The following PKHD1 variants were observed in gnomAD, a reference collection of about 807,000 sequenced individuals.
The protein encoded by PKHD1 is fibrocystin.
PKHD1 carries 291 observed loss-of-function variants against 412.0 expected under a neutral mutation model. That is an observed-to-expected ratio of 0.71 (90% CI 0.64 to 0.78). The LOEUF is 0.78. PKHD1 is among the 30% of genes least tolerant of loss of function. The probability of loss-of-function intolerance (pLI) is 0.00; values close to 1 mark genes in which losing one functional copy is unlikely to be tolerated. For synonymous variants in PKHD1, 1,777 were observed against 1,821.5 expected (o/e 0.98, Z 0.62); for missense variants, 4,825 against 4,950.7 (o/e 0.97, Z 0.76).
intron 53 of PKHD1, among the ~76,000 whole-genome samples, chr6:51,786,743 C>T (rs955786367): frequency 2.6e-5 from 4 of 152,150 alleles, no homozygotes; most frequent in Non-Finnish European, 5.9e-5. Context: ...TATTGAGACA[C>T]CTCTTGAAAG....
rs370542405 is a variant in PKHD1 at position 52,043,578 on chromosome 6, C to T, written c.2821+47G>A. The T allele has an allele frequency of 2.2e-6, 3 of 1,343,018 alleles. No homozygotes were observed. In the African/African-American group the frequency reaches 4.3e-5, roughly 19 times the overall value. 83.2% of individuals were successfully genotyped at this position (1,343,018 alleles called of 1,614,324 possible). A position where few individuals can be genotyped will look rare whatever the true frequency, so the allele number is the denominator to read the frequency against. ...TACATGGCCTCTAACAAAATCACTGCAAGTCTCCGGCTTAAGCCCATCTCA... is the reference window on the plus strand; with the variant it reads ...TACATGGCCTCTAACAAAATCACTGTAAGTCTCCGGCTTAAGCCCATCTCA... On this transcript the variant is annotated intron_variant, in intron 26 of 66. Transcript: ENST00000371117.
At chr6:51,774,685 T>C (rs1322949336) in intron 54 of PKHD1, among the ~76,000 whole-genome samples, 1 of 151,934 alleles carries the variant, frequency 6.6e-6, no homozygotes, top group Non-Finnish European at 1.5e-5. Flanking sequence ...CATTATTGCC[T>C]CCACTCTATT....
chr6:51,695,166 C>G (rs1421344820), intron 60 of PKHD1, among the ~76,000 whole-genome samples: 1 of 152,062 alleles, frequency 6.6e-6, no homozygotes, highest in Non-Finnish European at 1.5e-5. Flanking sequence ...AGAACAGAGA[C>G]CTTACTTCTT....
Position 51,754,871 on chromosome 6 carries a change from C to CATA in PKHD1, c.8707_8709dup (p.Tyr2903dup). On this transcript the variant is annotated inframe_insertion, in exon 56 of 67. Transcript: ENST00000371117. ...GTGAGGACCTCTGCTTCATGAGGCT[C>CATA]ATAAGAAGAGGAGCTAAGGACTATT... 6.2e-7 allele frequency: 1 copy of CATA among 1,612,850 alleles called. No homozygotes were observed. Among genetic ancestry groups the CATA allele is most frequent in the Non-Finnish European group, 8.5e-7 (1 of 1,178,914 alleles).
At chr6:52,060,283 T>C (rs1386412244) in intron 14 of PKHD1, among the ~76,000 whole-genome samples, 1 of 152,188 alleles carries the variant, frequency 6.6e-6, no homozygotes, top group Admixed American at 6.5e-5. Flanking sequence ...TTTGGGAAAG[T>C]TGTAGCCACA....
At chr6:51,758,051 A>C (rs1039609689) in intron 55 of PKHD1, among the ~76,000 whole-genome samples, 1 of 146,914 alleles carries the variant, frequency 6.8e-6, no homozygotes, top group Non-Finnish European at 1.5e-5. Flanking sequence ...AGAGAGAGAG[A>C]GAAAACAAAG....
chr6:51,700,968 A>G (rs952076376), intron 60 of PKHD1, among the ~76,000 whole-genome samples: 5 of 152,136 alleles, frequency 3.3e-5, no homozygotes, highest in African/African-American at 1.2e-4. Context: ...TGTCAAACAA[A>G]GATTAAATTC....
chr6:51,885,156 T>C (rs766053206), intron 45 of PKHD1, among the ~76,000 whole-genome samples: 2 of 152,212 alleles, frequency 1.3e-5, no homozygotes, highest in Non-Finnish European at 2.9e-5. Flanking sequence ...TAATTTTGTC[T>C]GTATTGCATC....
chr6:51,747,022 G>C, intron 58 of PKHD1, 133 bp from the exon 59 acceptor site: 1 of 615,256 alleles, frequency 1.6e-6, no homozygotes, highest in East Asian at 2.8e-5. Flanking sequence ...ATAGCCTTAG[G>C]AGTTTACATA....
At chr6:51,955,168 T>C (rs1027412742) in intron 36 of PKHD1, among the ~76,000 whole-genome samples, 6 of 151,826 alleles carry the variant, frequency 4.0e-5, no homozygotes, top group African/African-American at 1.5e-4. Flanking sequence ...GTTAATTCTC[T>C]TTTGTGTTTA....
chr6:51,734,272 T>C (rs1486664700), intron 60 of PKHD1, among the ~76,000 whole-genome samples: 2 of 152,214 alleles, frequency 1.3e-5, no homozygotes, highest in Non-Finnish European at 2.9e-5. Flanking sequence ...CAAAATTTAT[T>C]TGGCCATGTA....
At chr6:52,030,135 A>G (rs1481830575) in intron 29 of PKHD1, among the ~76,000 whole-genome samples, 2 of 152,218 alleles carry the variant, frequency 1.3e-5, no homozygotes, top group African/African-American at 4.8e-5. Flanking sequence ...ATGGGATGCC[A>G]CGGCCAATTA....
intron 52 of PKHD1, among the ~76,000 whole-genome samples, chr6:51,798,277 G>A (rs1392925969): frequency 6.6e-6 from 1 of 152,106 alleles, no homozygotes; most frequent in Non-Finnish European, 1.5e-5. Context: ...TACTTGGGAG[G>A]CTGAGGCACA....
intron 60 of PKHD1, among the ~76,000 whole-genome samples, chr6:51,687,790 A>G (rs1777634210): frequency 6.6e-6 from 1 of 152,206 alleles, no homozygotes; most frequent in Non-Finnish European, 1.5e-5. Flanking sequence ...TAATAAAACT[A>G]ATGTTTCTCA....
Position 51,659,225 on chromosome 6 carries a change from A to C in PKHD1, c.10901T>G (p.Val3634Gly). Residue 3634 changes from valine to glycine, a missense_variant, in exon 61 of 67, where the codon GTT (valine) becomes GGT (glycine). Val to Gly is a moderately radical substitution (Grantham distance 109, BLOSUM62 -3). Coordinates refer to ENST00000371117, the MANE Select transcript of PKHD1 (RefSeq NM_138694.4). ...CATCATGAGAGGCCTACGTTGACCA[A>C]CTCTTCTATAATGACTAGTGCAAGT... Reference protein sequence around the residue: ...TVTCTSHYRRVGQRRPLMMEM... With the variant: ...TVTCTSHYRRGGQRRPLMMEM... 1 of 1,613,536 alleles carries C rather than the reference A, an allele frequency of 6.2e-7. No homozygotes were observed. The highest frequency in any genetic ancestry group is 8.5e-7 in the Non-Finnish European group (1 of 1,179,830).
At chr6:51,820,873 G>C (rs948119882) in intron 52 of PKHD1, among the ~76,000 whole-genome samples, 2 of 152,102 alleles carry the variant, frequency 1.3e-5, no homozygotes, top group Admixed American at 1.3e-4. Context: ...AATGGCAACT[G>C]TACCTAAACC....
chr6:51,925,463 G>A (rs983105375), intron 37 of PKHD1, among the ~76,000 whole-genome samples: 5 of 145,778 alleles, frequency 3.4e-5, no homozygotes, highest in Non-Finnish European at 7.6e-5. Context: ...GTATGTGTGT[G>A]TGTGTGTGTG....
At chr6:51,653,792 T>C (rs1199882284) in intron 61 of PKHD1, among the ~76,000 whole-genome samples, 2 of 152,074 alleles carry the variant, frequency 1.3e-5, no homozygotes, top group Non-Finnish European at 2.9e-5. Context: ...CAATGAAAGA[T>C]AAGTAAAATC....
chr6:51,932,701 A>G (rs1786834126), intron 37 of PKHD1, among the ~76,000 whole-genome samples: 1 of 152,230 alleles, frequency 6.6e-6, no homozygotes, highest in Non-Finnish European at 1.5e-5. Flanking sequence ...CATAGAATCA[A>G]CATAGCAAGC....
Sources: allele counts gnomAD v4.1 joint callset (sites outside exome capture counted in the v4.1 genomes callset), GRCh38; gene constraint gnomAD v4.1.1; transcripts MANE v1.5; gene names NCBI Gene and HGNC (gene_info 2026-07-23, HGNC 2026-07-21).